The following PABPC4L variants were observed in gnomAD, a reference collection of about 807,000 sequenced individuals.
The protein encoded by PABPC4L is polyadenylate-binding protein 4-like.
For synonymous variants in PABPC4L, 169 were observed against 164.1 expected (o/e 1.03, Z -0.23); for missense variants, 452 against 451.4 (o/e 1.00, Z -0.01).
the PABPC4L span, among the ~76,000 whole-genome samples, chr4:134,178,284 A>T: frequency 6.6e-6 from 1 of 151,690 alleles, no homozygotes; most frequent in Non-Finnish European, 1.5e-5. Flanking sequence ...CAAGACCAGG[A>T]ATGAACTAGA....
At chr4:134,114,274 C>A in the PABPC4L span, among the ~76,000 whole-genome samples, 8 of 151,830 alleles carry the variant, frequency 5.3e-5, no homozygotes, top group South Asian at 2.1e-4. Flanking sequence ...CTTAATGGTT[C>A]ATTTTCAAGG....
chr4:134,092,215 CA>C, the PABPC4L span, among the ~76,000 whole-genome samples: 1 of 151,862 alleles, frequency 6.6e-6, no homozygotes, highest in Non-Finnish European at 1.5e-5. Context: ...TTGCTTTTTC[CA>C]AAACCACCCA....
chr4:134,176,758 T>G, the PABPC4L span, among the ~76,000 whole-genome samples: 3 of 152,004 alleles, frequency 2.0e-5, no homozygotes, highest in Admixed American at 2.0e-4. Flanking sequence ...CTCTCTGACA[T>G]AGGAAAGGGT....
the PABPC4L span, among the ~76,000 whole-genome samples, chr4:134,000,434 TA>T: frequency 6.6e-6 from 1 of 152,144 alleles, no homozygotes; most frequent in South Asian, 2.1e-4. Context: ...AATAACATTT[TA>T]AGTGCCTCAT....
the PABPC4L span, among the ~76,000 whole-genome samples, chr4:134,108,819 C>T: frequency 1.3e-5 from 2 of 151,688 alleles, no homozygotes; most frequent in Non-Finnish European, 2.9e-5. Context: ...TTTGACATGA[C>T]CAGTTTTGTA....
the PABPC4L span, among the ~76,000 whole-genome samples, chr4:134,020,902 G>A: frequency 6.6e-6 from 1 of 152,022 alleles, no homozygotes; most frequent in Admixed American, 6.6e-5. Context: ...TTTCCTGTCA[G>A]AGTGTTCAAT....
At chr4:133,978,978 C>T in the PABPC4L span, 14 of 152,100 alleles carry the variant, frequency 9.2e-5, no homozygotes, top group South Asian at 6.2e-4. Flanking sequence ...TTTGAAAAGA[C>T]GCAATTATAG....
the PABPC4L span, among the ~76,000 whole-genome samples, chr4:133,997,088 C>A: frequency 6.6e-6 from 1 of 152,100 alleles, no homozygotes; most frequent in East Asian, 1.9e-4. Context: ...TTTTTCCCAC[C>A]ACCCTGACCA....
At chr4:133,962,616 C>T in the PABPC4L span, among the ~76,000 whole-genome samples, 2 of 152,154 alleles carry the variant, frequency 1.3e-5, no homozygotes, top group Non-Finnish European at 2.9e-5. Context: ...ATGAGATTAA[C>T]AGTAGATTTC....
chr4:134,197,283 T>A lies in PABPC4L; in HGVS notation c.*2624A>T, dbSNP rs924488338. On this transcript the variant is annotated 3_prime_UTR_variant, in exon 2 of 2. Coordinates refer to ENST00000421491, the MANE Select transcript of PABPC4L (RefSeq NM_001114734.2). ...TATTAAAAATGGAAAAGCACATTTT[T>A]AAAATATTTACTATAGGTTTTATAT... 2 of 151,740 alleles carry A rather than the reference T, an allele frequency of 1.3e-5. No homozygotes were observed. The highest frequency in any genetic ancestry group is 6.6e-5 in the Admixed American group (1 of 15,218). 9.4% of individuals were successfully genotyped at this position (151,740 alleles called of 1,614,324 possible).
In PABPC4L at chr4:134,198,789, C is replaced by A. The variant is rs1414996182; in HGVS notation, c.*1118G>T. The stretch of plus-strand genomic sequence containing the variant: ...GAGCAAGGAAAATAGGGGAATGGTT[C>A]TAAACTAAAAATTATGCTAGAAAAC... On this transcript the variant is annotated 3_prime_UTR_variant, in exon 2 of 2. Coordinates refer to ENST00000421491, the MANE Select transcript of PABPC4L (RefSeq NM_001114734.2). 6.6e-6 allele frequency: 1 copy of A among 151,822 alleles called. No homozygotes were observed. Among genetic ancestry groups the A allele is most frequent in the East Asian group, 1.9e-4 (1 of 5,192 alleles). 9.4% of individuals were successfully genotyped at this position (151,822 alleles called of 1,614,324 possible).
chr4:134,061,165 C>A, the PABPC4L span, among the ~76,000 whole-genome samples: 2 of 151,358 alleles, frequency 1.3e-5, no homozygotes, highest in South Asian at 2.1e-4. Context: ...CATTTTATGC[C>A]CATATCAAAA....
the PABPC4L span, among the ~76,000 whole-genome samples, chr4:134,013,256 C>T: frequency 1.3e-5 from 2 of 151,920 alleles, no homozygotes; most frequent in South Asian, 2.1e-4. Flanking sequence ...TCTCTGCACC[C>T]CAATCCCTTA....
the PABPC4L span, among the ~76,000 whole-genome samples, chr4:134,134,489 G>A: frequency 6.6e-6 from 1 of 151,646 alleles, no homozygotes; most frequent in African/African-American, 2.4e-5. Flanking sequence ...ACAAAGCAAA[G>A]TAATTTTTTT....
the PABPC4L span, among the ~76,000 whole-genome samples, chr4:134,087,200 A>T: frequency 3.3e-5 from 5 of 152,118 alleles, no homozygotes; most frequent in South Asian, 1.0e-3. Context: ...ACAATGATAG[A>T]CTGGATTAAG....
At chr4:134,140,852 TG>T in the PABPC4L span, among the ~76,000 whole-genome samples, 5 of 151,762 alleles carry the variant, frequency 3.3e-5, no homozygotes, top group South Asian at 1.0e-3. Context: ...CATTGATTGT[TG>T]GAAATAAAAT....
chr4:134,163,732 TA>T, the PABPC4L span, among the ~76,000 whole-genome samples: 1 of 152,124 alleles, frequency 6.6e-6, no homozygotes, highest in East Asian at 1.9e-4. Flanking sequence ...AAATAGAATT[TA>T]AAACGAAAGT....
chr4:134,109,815 C>G, the PABPC4L span, among the ~76,000 whole-genome samples: 2 of 151,380 alleles, frequency 1.3e-5, no homozygotes, highest in African/African-American at 4.9e-5. Context: ...GGTCTCAGCT[C>G]ACTGCAACCT....
chr4:134,022,167 T>G, the PABPC4L span, among the ~76,000 whole-genome samples: 3 of 152,152 alleles, frequency 2.0e-5, no homozygotes, highest in East Asian at 3.8e-4. Flanking sequence ...ATTTCTGCTC[T>G]TTCCCAAACT....
Sources: allele counts gnomAD v4.1 joint callset (sites outside exome capture counted in the v4.1 genomes callset), GRCh38; gene constraint gnomAD v4.1.1; transcripts MANE v1.5; gene names NCBI Gene and HGNC (gene_info 2026-07-23, HGNC 2026-07-21).